Variants in GBX1 observed in about 807,000 individuals in gnomAD.
GBX1 encodes gastrulation brain homeobox 1, also known as homeobox protein GBX-1.
In GBX1, 9 loss-of-function variants were observed where a neutral mutation model predicts 22.9. The observed-to-expected ratio is 0.39, with a 90% CI of 0.24 to 0.69. The LOEUF is 0.69. Ranked by LOEUF, GBX1 falls within the 30% of genes least tolerant of loss-of-function variation. GBX1 has a pLI of 0.43. For synonymous variants in GBX1, 203 were observed against 227.3 expected (o/e 0.89, Z 0.96); for missense variants, 494 against 509.2 (o/e 0.97, Z 0.29).
At chr7:151,158,862 T>C (rs1365108253) in intron 1 of GBX1, among the ~76,000 whole-genome samples, 1 of 152,232 alleles carries the variant, frequency 6.6e-6, no homozygotes, top group Non-Finnish European at 1.5e-5. Context: ...TTCAGGATGC[T>C]GCACAAATAT....
intron 1 of GBX1, among the ~76,000 whole-genome samples, chr7:151,151,567 C>G (rs1801079772): frequency 6.6e-6 from 1 of 152,198 alleles, no homozygotes; most frequent in African/African-American, 2.4e-5. Context: ...TCATCTTTAT[C>G]CACATCATCC....
intron 1 of GBX1, among the ~76,000 whole-genome samples, chr7:151,166,479 C>CT (rs1801251543): frequency 1.6e-5 from 2 of 124,050 alleles, no homozygotes; most frequent in Admixed American, 7.4e-5. Flanking sequence ...ACGCAACCCC[C>CT]CCCCCCCAAC....
Position 151,148,909 on chromosome 7 carries a change from C to G in GBX1, c.772G>C (p.Gly258Arg). The change falls in exon 2 of 2, where the codon GGG becomes CGG. Residue 258 changes from glycine (G) to arginine (R), a missense_variant. Coordinates refer to ENST00000297537, the MANE Select transcript of GBX1 (RefSeq NM_001098834.3). The surrounding 1 kb of genome is among the most constrained non-coding windows in gnomAD (Gnocchi z 5.1). ...GTGCGGCGCCGTCGGCTTTTCCCCC[C>G]AGGAGCTGTGACCCCTGCTGTCACC... is the stretch of plus-strand genomic sequence containing the variant. ...APVTAGVTAP[G>R]GKSRRRRTAF... The G allele has an allele frequency of 1.2e-6, 2 of 1,614,176 alleles. No homozygotes were observed. The highest frequency in any genetic ancestry group is 1.3e-5 in the African/African-American group (1 of 75,036).
chr7:151,150,063 G>C (rs1340653416), intron 1 of GBX1: 1 of 393,630 alleles, frequency 2.5e-6, no homozygotes, highest in Non-Finnish European at 5.1e-6. Context: ...AGGGAAAAGT[G>C]CAACAGGGAC....
At chr7:151,154,190 G>A (rs532740471) in intron 1 of GBX1, among the ~76,000 whole-genome samples, 3 of 152,072 alleles carry the variant, frequency 2.0e-5, no homozygotes, top group East Asian at 1.9e-4. Context: ...CAGCCTGGGC[G>A]ACAGAGTCTC....
chr7:151,149,142 G>C lies in GBX1; in HGVS notation c.539C>G (p.Ala180Gly). Reference sequence around the variant, plus strand: ...ATCTGAGCTGTACACCTTCCCCTCTGCTGTGAGGAGCAAGAAGCCAATGGA... The same window carrying C: ...ATCTGAGCTGTACACCTTCCCCTCTCCTGTGAGGAGCAAGAAGCCAATGGA... ...HFSETFPSLP[A>G]EGKVYSSDEE... is the part of the protein sequence containing the mutation. The change falls in exon 2 of 2, where the codon GCA becomes GGA. Residue 180 changes from alanine to glycine, a missense_variant and splice_region_variant. Transcript: ENST00000297537. 1 of 1,598,388 alleles carries C rather than the reference G, an allele frequency of 6.3e-7. No homozygotes were observed. Among genetic ancestry groups the C allele is most frequent in the Non-Finnish European group, 8.5e-7 (1 of 1,176,594 alleles).
At chr7:151,164,623 A>G (rs1220665646) in intron 1 of GBX1, among the ~76,000 whole-genome samples, 1 of 152,010 alleles carries the variant, frequency 6.6e-6, no homozygotes, top group Non-Finnish European at 1.5e-5. Context: ...CAGCCTCCCC[A>G]CTATAAACCC....
At chr7:151,158,742 T>C (rs1180869434) in intron 1 of GBX1, among the ~76,000 whole-genome samples, 1 of 152,082 alleles carries the variant, frequency 6.6e-6, no homozygotes, top group African/African-American at 2.4e-5. Context: ...GTGTCACCTA[T>C]CCTACACCAT....
intron 1 of GBX1, among the ~76,000 whole-genome samples, chr7:151,160,552 A>T (rs1363682883): frequency 6.6e-6 from 1 of 152,046 alleles, no homozygotes; most frequent in Non-Finnish European, 1.5e-5. Flanking sequence ...TAGCCCCTCT[A>T]CTTCTAATAC....
chr7:151,167,171 G>A lies in GBX1; in HGVS notation c.378C>T (p.Ala126=), dbSNP rs757707775. ...TTCGGGCGGCAGTGGCGGCGGCGGC[G>A]GCAGCGGCGGCGGCGAGCTCCTGGG... The part of the protein sequence containing the change: ...YGPQELAAAA[A]AAAATAARNN... The change falls in exon 1 of 2, where the codon GCC becomes GCT. Residue 126 remains alanine, a synonymous_variant. Transcript: ENST00000297537. This position sits in a 1 kb window ranked among gnomAD's most constrained non-coding sequence, Gnocchi z 5.9. 17 of 1,580,446 alleles carry A rather than the reference G, an allele frequency of 1.1e-5. No homozygotes were observed. In the South Asian group the frequency reaches 1.8e-4, roughly 17 times the overall value.
Position 151,148,565 on chromosome 7 carries a change from C to T in GBX1, c.*24G>A. ...GCAGGCTCAGGTACAGATCCCTCGC[C>T]TTCCTAAGTTCTTGGGTGCCCATTC... On this transcript the variant is annotated 3_prime_UTR_variant, in exon 2 of 2. Transcript: ENST00000297537. This position sits in a 1 kb window ranked among gnomAD's most constrained non-coding sequence, Gnocchi z 5.1. The T allele has an allele frequency of 6.2e-7, 1 of 1,604,948 alleles. No homozygotes were observed. The highest frequency in any genetic ancestry group is 8.5e-7 in the Non-Finnish European group (1 of 1,174,294).
chr7:151,154,255 T>G (rs917542831), intron 1 of GBX1, among the ~76,000 whole-genome samples: 13 of 152,142 alleles, frequency 8.5e-5, no homozygotes, highest in African/African-American at 3.1e-4. Context: ...TTGGTTGGTA[T>G]GAACAAAAAA....
chr7:151,167,167 C>T lies in GBX1; in HGVS notation c.382G>A (p.Ala128Thr). 1.3e-6 allele frequency: 2 copies of T among 1,580,292 alleles called. No homozygotes were observed. The highest frequency in any genetic ancestry group is 2.3e-5 in the East Asian group (1 of 43,110). Residue 128 changes from alanine (A) to threonine (T), a missense_variant, in exon 1 of 2, where the codon GCC (alanine) becomes ACC (threonine). This residue lies in a region of GBX1 where 365 missense variants were observed against 340.4 expected (regional missense o/e 1.07). Coordinates refer to ENST00000297537, the MANE Select transcript of GBX1 (RefSeq NM_001098834.3). This position sits in a 1 kb window ranked among gnomAD's most constrained non-coding sequence, Gnocchi z 5.9. The part of the protein sequence containing the change: ...PQELAAAAAA[A>T]AATAARNNPE... ...TTGTTTCGGGCGGCAGTGGCGGCGG[C>T]GGCGGCAGCGGCGGCGGCGAGCTCC...
At chr7:151,160,643 T>G (rs538297681) in intron 1 of GBX1, among the ~76,000 whole-genome samples, 143 of 152,354 alleles carry the variant, frequency 9.4e-4, no homozygotes, top group African/African-American at 3.3e-3. Context: ...ACCTGTCTCT[T>G]TCTACTACAC....
At chr7:151,155,183 GT>G (rs1297766041) in intron 1 of GBX1, among the ~76,000 whole-genome samples, 1 of 152,172 alleles carries the variant, frequency 6.6e-6, no homozygotes, top group Non-Finnish European at 1.5e-5. Flanking sequence ...GAAAGGTTAG[GT>G]TCTCTCCTGG....
chr7:151,160,939 G>C (rs1014065300), intron 1 of GBX1, among the ~76,000 whole-genome samples: 1 of 152,044 alleles, frequency 6.6e-6, no homozygotes, highest in Non-Finnish European at 1.5e-5. Context: ...CCCCAGCACA[G>C]GGCATTTCCC....
Position 151,167,490 on chromosome 7 carries a change from C to A in GBX1, c.59G>T (p.Gly20Val). The A allele has an allele frequency of 6.7e-7, 1 of 1,487,044 alleles. No individual in the cohort carries two copies. Among genetic ancestry groups the A allele is most frequent in the Non-Finnish European group, 8.9e-7 (1 of 1,127,194 alleles). 92.1% of individuals were successfully genotyped at this position (1,487,044 alleles called of 1,614,324 possible). A position where few individuals can be genotyped will look rare whatever the true frequency, so the allele number is the denominator to read the frequency against. The change falls in exon 1 of 2, where the codon GGC becomes GTC. Residue 20 changes from glycine to valine, a missense_variant. Gly to Val is a moderately radical substitution (Grantham distance 109). Around this residue, in one of 3 missense-constraint regions of GBX1, gnomAD observed 365 missense variants for 340.4 expected, o/e 1.07. Transcript: ENST00000297537. This position sits in a 1 kb window ranked among gnomAD's most constrained non-coding sequence, Gnocchi z 5.9. ...GTCGATGGAGAAGGCAGTGCCCGGG[C>A]CCCCGCCGCCGCCCCCGCCGTTGCC... ...PGGNGGGGGG[G>V]PGTAFSIDSL...
At chr7:151,164,998 C>T (rs1243978063) in intron 1 of GBX1, among the ~76,000 whole-genome samples, 1 of 151,914 alleles carries the variant, frequency 6.6e-6, no homozygotes, top group African/African-American at 2.4e-5. Flanking sequence ...AACACACACA[C>T]ACATACACAC....
chr7:151,161,816 G>A (rs771839589), intron 1 of GBX1, among the ~76,000 whole-genome samples: 1 of 152,178 alleles, frequency 6.6e-6, no homozygotes, highest in Non-Finnish European at 1.5e-5. Flanking sequence ...CCTGATGAAA[G>A]GTCTGTGGAG....
Sources: gnomAD v4.1 joint callset for allele counts (sites outside exome capture counted in the v4.1 genomes callset) on GRCh38, gnomAD v4.1.1 for gene constraint, gnomAD v4.1.1 regional missense constraint, Gnocchi (gnomAD v3.1) non-coding constraint, MANE v1.5 for transcripts, NCBI Gene and HGNC (gene_info 2026-07-23, HGNC 2026-07-21) for gene names.